The following HS3ST3B1 variants were observed in gnomAD, a reference collection of about 807,000 sequenced individuals.
HS3ST3B1 encodes heparan sulfate-glucosamine 3-sulfotransferase 3B1.
HS3ST3B1 carries 13 observed loss-of-function variants against 21.3 expected under a neutral mutation model. The observed-to-expected ratio is 0.61, with a 90% confidence interval of 0.40 to 0.97. The LOEUF (loss-of-function observed/expected upper bound fraction) is 0.97, where lower values mean the gene tolerates loss of function less well. HS3ST3B1 is among the 50% of genes least tolerant of loss of function. The pLI, the probability that HS3ST3B1 is intolerant of heterozygous loss-of-function variation, is 0.00. For synonymous variants in HS3ST3B1, 234 were observed against 254.8 expected, an observed-to-expected ratio of 0.92 and a Z score of 0.78; for missense variants, 459 against 554.8, an observed-to-expected ratio of 0.83 and a Z score of 1.73.
intron 1 of HS3ST3B1, among the ~76,000 whole-genome samples, chr17:14,322,540 T>C (rs933169209): frequency 2.0e-5 from 3 of 152,178 alleles, no homozygotes; most frequent in African/African-American, 7.2e-5. Context: ...CTTTGAGTAT[T>C]GGACTGGTAT....
At position 14,345,301 on chromosome 17, in the gene HS3ST3B1, C is replaced by T. The variant is rs1478760851; in HGVS notation, c.828C>T (p.Tyr276=). Residue 276 remains tyrosine, a synonymous_variant, in exon 2 of 2, where the codon TAC becomes TAT. Transcript: ENST00000360954. ...GGAGCGCCATCCAGATCGGCATCTACGCCAAGCACCTGGAGCACTGGCTGC... is the reference window on the plus strand; with the variant it reads ...GGAGCGCCATCCAGATCGGCATCTATGCCAAGCACCTGGAGCACTGGCTGC... The part of the protein sequence containing the change: ...TSWSAIQIGI[Y]AKHLEHWLRH... The T allele has an allele frequency of 4.5e-6, 5 of 1,110,478 alleles. No homozygotes were observed. Among genetic ancestry groups the T allele is most frequent in the Middle Eastern group, 2.8e-4 (1 of 3,594 alleles). The allele number at this position is 1,110,478 out of a possible 1,614,324, so 68.8% of individuals were successfully genotyped here. A position where few individuals can be genotyped will look rare whatever the true frequency, so the allele number is the denominator to read the frequency against.
chr17:14,320,570 A>G (rs1204117006), intron 1 of HS3ST3B1, among the ~76,000 whole-genome samples: 1 of 152,050 alleles, frequency 6.6e-6, no homozygotes, highest in Non-Finnish European at 1.5e-5. Flanking sequence ...CAAGTATGTC[A>G]GCTCAAAAGT....
At chr17:14,344,127 T>C (rs1910478066) in intron 1 of HS3ST3B1, among the ~76,000 whole-genome samples, 2 of 152,210 alleles carry the variant, frequency 1.3e-5, no homozygotes, top group South Asian at 2.1e-4. Flanking sequence ...TTCAATCTCC[T>C]GACCTCAGGT....
chr17:14,301,818 A>G lies in HS3ST3B1; in HGVS notation c.300A>G (p.Ser100=), dbSNP rs751218631. Residue 100 remains serine, a synonymous_variant, in exon 1 of 2, where the codon TCA becomes TCG. Coordinates refer to ENST00000360954, the MANE Select transcript of HS3ST3B1 (RefSeq NM_006041.3). The part of the protein sequence containing the change: ...FRAPPATPLA[S]GKEMAEGAAS... ...CGCCGCCAGCCACCCCACTGGCTTCAGGCAAGGAGATGGCCGAGGGCGCTG... is the reference window on the plus strand; with the variant it reads ...CGCCGCCAGCCACCCCACTGGCTTCGGGCAAGGAGATGGCCGAGGGCGCTG... 2 of 1,563,656 alleles carry G rather than the reference A, an allele frequency of 1.3e-6. No homozygotes were observed. The highest frequency in any genetic ancestry group is 1.2e-5 in the South Asian group (1 of 85,104).
chr17:14,313,080 TGTGTGTGTGTGTG>T (rs1403725785), intron 1 of HS3ST3B1, among the ~76,000 whole-genome samples: 2 of 89,378 alleles, frequency 2.2e-5, no homozygotes, highest in Non-Finnish European at 2.2e-5. Flanking sequence ...CTAATTATTG[TGTGTGTGTGTGTG>T]GTGTGTGTGT....
intron 1 of HS3ST3B1, among the ~76,000 whole-genome samples, chr17:14,302,813 C>T (rs995016079): frequency 6.6e-6 from 1 of 152,200 alleles, no homozygotes; most frequent in Admixed American, 6.5e-5. Flanking sequence ...CGGGCACCGC[C>T]GCCCGTTTCC....
rs1909000590 is a variant in HS3ST3B1 at position 14,303,174 on chromosome 17, A to C, written c.554+1102A>C. Among the ~76,000 whole-genome samples the C allele has an allele frequency of 6.6e-6, 1 of 152,100 alleles. No individual in the cohort carries two copies. The highest frequency in any genetic ancestry group is 1.5e-5 in the Non-Finnish European group (1 of 68,010). ...ACTAGGGGCCCAGGTAACGACCCCCACATTTTCGTTGGGGTCTCCACCCGT... is the reference window on the plus strand; with the variant it reads ...ACTAGGGGCCCAGGTAACGACCCCCCCATTTTCGTTGGGGTCTCCACCCGT... On this transcript the variant is annotated intron_variant, in intron 1 of 1. Coordinates refer to ENST00000360954, the MANE Select transcript of HS3ST3B1 (RefSeq NM_006041.3). The surrounding 1 kb of genome is among the most constrained non-coding windows in gnomAD (Gnocchi z 5.7).
chr17:14,313,117 T>TATATACATAC (rs1909377888), intron 1 of HS3ST3B1, among the ~76,000 whole-genome samples: 2 of 95,462 alleles, frequency 2.1e-5, no homozygotes, highest in African/African-American at 6.8e-5. Context: ...TGTATATATA[T>TATATACATAC]ATATATGTGT....
chr17:14,337,749 T>A (rs1288564801), intron 1 of HS3ST3B1, among the ~76,000 whole-genome samples: 1 of 151,722 alleles, frequency 6.6e-6, no homozygotes, highest in South Asian at 2.1e-4. Context: ...TGACCTTCAC[T>A]CCTCTAGCCA....
chr17:14,335,861 G>A (rs929252720), intron 1 of HS3ST3B1, among the ~76,000 whole-genome samples: 4 of 152,128 alleles, frequency 2.6e-5, no homozygotes, highest in Non-Finnish European at 5.9e-5. Flanking sequence ...TGGATTTGGG[G>A]GAATGCTAGA....
chr17:14,312,257 T>C lies in HS3ST3B1; in HGVS notation c.554+10185T>C, dbSNP rs531088626. 3.9e-5 allele frequency among the ~76,000 whole-genome samples: 6 copies of C among 152,240 alleles called. No individual in the cohort carries two copies. In the South Asian group the frequency reaches 6.2e-4, roughly 16 times the overall value. ...AACTCACAGAGATTGCCTAAGGTCA[T>C]ACAGCTGTATCTGTAGGTGGCTCTA... On this transcript the variant is annotated intron_variant, in intron 1 of 1. Coordinates refer to ENST00000360954, the MANE Select transcript of HS3ST3B1 (RefSeq NM_006041.3).
At chr17:14,302,646 G>T (rs1908976022) in intron 1 of HS3ST3B1, among the ~76,000 whole-genome samples, 2 of 152,002 alleles carry the variant, frequency 1.3e-5, no homozygotes, top group South Asian at 2.1e-4. Context: ...CTCGCGAGCC[G>T]CCTGGGCTCG....
intron 1 of HS3ST3B1, among the ~76,000 whole-genome samples, chr17:14,340,789 G>A (rs1453103059): frequency 6.6e-6 from 1 of 152,016 alleles, no homozygotes; most frequent in Admixed American, 6.6e-5. Flanking sequence ...CACCATGTTG[G>A]CCAGGCTGGT....
At chr17:14,313,411 T>C (rs1320857500) in intron 1 of HS3ST3B1, among the ~76,000 whole-genome samples, 1 of 152,014 alleles carries the variant, frequency 6.6e-6, no homozygotes, top group East Asian at 1.9e-4. Flanking sequence ...GCATTGCTTC[T>C]CTGCAGGACC....
Position 14,349,288 on chromosome 17 carries a change from TTTTGTCCTATGTATAACACAAA to T in HS3ST3B1, c.*3645_*3666del, listed in dbSNP as rs1910659767. On this transcript the variant is annotated 3_prime_UTR_variant, in exon 2 of 2. Transcript: ENST00000360954. ...TATGTACAAAAAATTAAATCAAGTA[TTTTGTCCTATGTATAACACAAA>T]TTAATTTTACACAGAGAAAGATGTT... 6.6e-6 allele frequency: 1 copy of T among 152,222 alleles called. No homozygotes were observed. Among genetic ancestry groups the T allele is most frequent in the African/African-American group, 2.4e-5 (1 of 41,458 alleles). The allele number at this position is 152,222 out of a possible 1,614,324, so 9.4% of individuals were successfully genotyped here.
intron 1 of HS3ST3B1, among the ~76,000 whole-genome samples, chr17:14,337,913 A>G (rs1910237444): frequency 6.6e-6 from 1 of 151,746 alleles, no homozygotes; most frequent in South Asian, 2.1e-4. Flanking sequence ...ACATGACTAG[A>G]TTATGACAAG....
chr17:14,307,075 T>C (rs1004319417), intron 1 of HS3ST3B1, among the ~76,000 whole-genome samples: 3 of 152,210 alleles, frequency 2.0e-5, no homozygotes, highest in Admixed American at 6.5e-5. Context: ...CAAAATTTAA[T>C]AGCAACCCAT....
At chr17:14,320,828 CTCAGTTCCAGCAT>C (rs2142335324) in intron 1 of HS3ST3B1, among the ~76,000 whole-genome samples, 1 of 152,282 alleles carries the variant, frequency 6.6e-6, no homozygotes, top group East Asian at 1.9e-4. Context: ...CCATTGGCCG[CTCAGTTCCAGCAT>C]TCAGTTCCAG....
intron 1 of HS3ST3B1, among the ~76,000 whole-genome samples, chr17:14,320,887 G>T (rs1350883830): frequency 6.6e-6 from 1 of 152,228 alleles, no homozygotes; most frequent in Non-Finnish European, 1.5e-5. Flanking sequence ...TGGTAATTAA[G>T]AGGTGGCTCT....
Sources: allele counts gnomAD v4.1 joint callset (sites outside exome capture counted in the v4.1 genomes callset), GRCh38; gene constraint gnomAD v4.1.1; non-coding constraint Gnocchi (gnomAD v3.1); transcripts MANE v1.5; gene names NCBI Gene and HGNC (gene_info 2026-07-23, HGNC 2026-07-21).